The following PCDH15 variants were observed in gnomAD, a reference collection of about 807,000 sequenced individuals.
PCDH15 encodes protocadherin-15.
A neutral mutation model predicts 178.5 loss-of-function variants in PCDH15; 129 were observed. The observed-to-expected ratio is 0.72, with a 90% CI of 0.63 to 0.84. The LOEUF (loss-of-function observed/expected upper bound fraction) is 0.84, where lower values mean the gene tolerates loss of function less well. PCDH15 is among the 40% of genes least tolerant of loss of function. PCDH15 has a pLI of 0.00. For missense variants in PCDH15, 2,230 were observed against 2,099.9 expected, an observed-to-expected ratio of 1.06 and a Z score of -1.21; for synonymous variants, 800 against 732.0, an observed-to-expected ratio of 1.09 and a Z score of -1.50.
chr10:55,183,822 C>G (rs973725884), intron 1 of PCDH15, among the ~76,000 whole-genome samples: 1 of 151,814 alleles, frequency 6.6e-6, no homozygotes, highest in Admixed American at 6.6e-5. Context: ...TAGTTTATCC[C>G]TATTTGCCTT....
chr10:53,825,075 A>ATCTGTTCTATTGTATCTATTTT, intron 32 of PCDH15: 1 of 1,459,338 alleles, frequency 6.9e-7, no homozygotes, highest in Non-Finnish European at 9.1e-7. Flanking sequence ...CAGCATTTTA[A>ATCTGTTCTATTGTATCTATTTT]TCTGTTCTAT....
At chr10:54,629,664 C>T (rs2093648918) in intron 2 of PCDH15, among the ~76,000 whole-genome samples, 1 of 151,924 alleles carries the variant, frequency 6.6e-6, no homozygotes, top group African/African-American at 2.4e-5. Context: ...GGAAGCATAC[C>T]CCTTGGGAAC....
chr10:55,042,972 G>C (rs765312494), intron 2 of PCDH15, among the ~76,000 whole-genome samples: 30 of 152,084 alleles, frequency 2.0e-4, no homozygotes, highest in Non-Finnish European at 2.9e-5. Context: ...TGTGTTGCAT[G>C]TCAGCCCTTG....
At chr10:54,468,362 A>G (rs1054768616) in intron 3 of PCDH15, among the ~76,000 whole-genome samples, 13 of 151,386 alleles carry the variant, frequency 8.6e-5, no homozygotes, top group Admixed American at 8.6e-4. Context: ...GTTATGTTTC[A>G]ATTTTCATTT....
At chr10:54,178,820 C>T (rs1731763685) in intron 13 of PCDH15, among the ~76,000 whole-genome samples, 1 of 152,100 alleles carries the variant, frequency 6.6e-6, no homozygotes, top group African/African-American at 2.4e-5. Flanking sequence ...TGAAAAAATG[C>T]TCATCATCAC....
chr10:54,023,010 AGAGTTG>A lies in PCDH15; in HGVS notation c.2402_2407del (p.Ser801_Thr802del). On this transcript the variant is annotated inframe_deletion, in exon 19 of 38. Coordinates refer to ENST00000644397, the MANE Select transcript of PCDH15 (RefSeq NM_001384140.1). The stretch of plus-strand genomic sequence containing the variant: ...GTCCAAAACCTTGATGGCCAAGGTT[AGAGTTG>A]AATGACGAGGGTGTACTGCTCCATC... The A allele has an allele frequency of 6.2e-7, 1 of 1,613,910 alleles. No homozygotes were observed. Among genetic ancestry groups the A allele is most frequent in the South Asian group, 1.1e-5 (1 of 91,084 alleles).
intron 2 of PCDH15, among the ~76,000 whole-genome samples, chr10:55,044,296 T>G (rs1160664425): frequency 6.6e-6 from 1 of 152,152 alleles, no homozygotes; most frequent in African/African-American, 2.4e-5. Flanking sequence ...ATCTATTCTG[T>G]GTATGCAGTT....
At chr10:54,961,963 G>A (rs1160790714) in intron 2 of PCDH15, among the ~76,000 whole-genome samples, 1 of 152,192 alleles carries the variant, frequency 6.6e-6, no homozygotes, top group African/African-American at 2.4e-5. Flanking sequence ...GGGATGATAT[G>A]CCTACAGATA....
chr10:54,856,043 T>A (rs1034974080), intron 3 of PCDH15, among the ~76,000 whole-genome samples: 1 of 152,240 alleles, frequency 6.6e-6, no homozygotes, highest in African/African-American at 2.4e-5. Context: ...TCTTTTCCAA[T>A]TGCGATAGTT....
intron 16 of PCDH15, among the ~76,000 whole-genome samples, chr10:54,088,336 T>C (rs2094547497): frequency 1.3e-5 from 2 of 152,184 alleles, no homozygotes; most frequent in Admixed American, 1.3e-4. Flanking sequence ...TCCATGTGCT[T>C]GTTGGCCATT....
intron 2 of PCDH15, among the ~76,000 whole-genome samples, chr10:54,988,673 A>G (rs1839429678): frequency 6.6e-6 from 1 of 152,198 alleles, no homozygotes; most frequent in Non-Finnish European, 1.5e-5. Context: ...AGAAATTTCT[A>G]AGCAGCAAAG....
intron 8 of PCDH15, among the ~76,000 whole-genome samples, chr10:54,293,904 T>C (rs1245984752): frequency 2.0e-5 from 3 of 152,122 alleles, no homozygotes; most frequent in East Asian, 1.9e-4. Flanking sequence ...GTGGAAGACA[T>C]TGTGGCGATT....
rs143822629 is a variant in PCDH15, at chr10:54,265,753, A to T, written c.877-28822T>A. 4.9e-3 allele frequency among the ~76,000 whole-genome samples: 742 copies of T among 152,214 alleles called. 4 individuals carry two copies. Among genetic ancestry groups the T allele is most frequent in the African/African-American group, 0.01 (427 of 41,580 alleles). ...TTAAATAAATATGCACCCAACATTA[A>T]TTGGAGCACCAAGATTCATAAAGAA... On this transcript the variant is annotated intron_variant, in intron 8 of 37. Transcript: ENST00000644397.
At chr10:54,939,384 A>G (rs1837998129) in intron 2 of PCDH15, among the ~76,000 whole-genome samples, 1 of 149,012 alleles carries the variant, frequency 6.7e-6, no homozygotes, top group Non-Finnish European at 1.5e-5. Context: ...AGTCCCAGCT[A>G]CTCGGGAGGC....
At chr10:54,811,908 T>C (rs1401267469) in intron 3 of PCDH15, among the ~76,000 whole-genome samples, 1 of 152,206 alleles carries the variant, frequency 6.6e-6, no homozygotes, top group Admixed American at 6.5e-5. Flanking sequence ...TTTAAAACTC[T>C]TCTAAAGTTT....
intron 1 of PCDH15, among the ~76,000 whole-genome samples, chr10:54,691,362 C>A (rs1320368120): frequency 6.6e-6 from 1 of 152,052 alleles, no homozygotes; most frequent in African/African-American, 2.4e-5. Context: ...CCAAGAAATT[C>A]TCCTGAAGCA....
chr10:55,314,155 T>C (rs1843661908), intron 1 of PCDH15, among the ~76,000 whole-genome samples: 1 of 148,264 alleles, frequency 6.7e-6, no homozygotes, highest in Admixed American at 6.8e-5. Flanking sequence ...TCATTTATAA[T>C]ATATAATAAA....
chr10:54,029,456 A>C (rs1382366495), intron 18 of PCDH15, among the ~76,000 whole-genome samples: 1 of 152,196 alleles, frequency 6.6e-6, no homozygotes, highest in African/African-American at 2.4e-5. Flanking sequence ...ACACCTTACT[A>C]TGGGGCCTGA....
chr10:55,037,667 T>G (rs773845788), intron 2 of PCDH15, among the ~76,000 whole-genome samples: 13 of 152,214 alleles, frequency 8.5e-5, no homozygotes, highest in Admixed American at 3.3e-4. Context: ...AAGAAAGTTC[T>G]GTTTCTGAAG....
Sources: gnomAD v4.1 joint callset for allele counts (sites outside exome capture counted in the v4.1 genomes callset) on GRCh38, gnomAD v4.1.1 for gene constraint, MANE v1.5 for transcripts, NCBI Gene and HGNC (gene_info 2026-07-23, HGNC 2026-07-21) for gene names.